TSHZ3: variants seen among roughly 807,000 people sequenced by gnomAD.
TSHZ3 encodes teashirt homolog 3.
A neutral mutation model predicts 64.5 loss-of-function variants in TSHZ3; 10 were observed. That is an observed-to-expected ratio of 0.16 (90% confidence interval 0.10 to 0.26). TSHZ3 has a LOEUF of 0.26. Among genes scored for constraint, TSHZ3 ranks in the 10% least tolerant of loss-of-function variants. The pLI is 1.00. For synonymous variants in TSHZ3, 608 were observed against 593.1 expected (o/e 1.03, Z -0.36); for missense variants, 1,242 against 1,421.7 (o/e 0.87, Z 2.03).
At chr19:31,329,576 C>T (rs983661317) in intron 1 of TSHZ3, among the ~76,000 whole-genome samples, 1 of 152,144 alleles carries the variant, frequency 6.6e-6, no homozygotes, top group African/African-American at 2.4e-5. Flanking sequence ...AGACTCACAG[C>T]AATAAAATAG....
intron 4 of TSHZ3, among the ~76,000 whole-genome samples, chr19:31,223,940 A>C (rs1975425423): frequency 6.6e-6 from 1 of 152,184 alleles, no homozygotes. Context: ...GTTTACTCAG[A>C]GGAGGCTACT....
intron 6 of TSHZ3, among the ~76,000 whole-genome samples, chr19:31,152,300 G>A (rs559665052): frequency 6.6e-6 from 1 of 152,072 alleles, no homozygotes; most frequent in African/African-American, 2.4e-5. Flanking sequence ...GTGTGTGTGT[G>A]TGTGTGTGCA....
In TSHZ3 at chr19:31,276,719, G is replaced by A; in HGVS notation, c.3074C>T (p.Ser1025Leu). The A allele has an allele frequency of 6.2e-7, 1 of 1,613,426 alleles. No homozygotes were observed. Among genetic ancestry groups the A allele is most frequent in the South Asian group, 1.1e-5 (1 of 91,038 alleles). The change falls in exon 2 of 2, where the codon TCA becomes TTA. Residue 1025 changes from serine (S) to leucine (L), a missense_variant. This residue lies in a region of TSHZ3 where 126 missense variants were observed against 140.6 expected (regional missense o/e 0.90). Coordinates refer to ENST00000240587, the MANE Select transcript of TSHZ3 (RefSeq NM_020856.4). ...NSQIAQTKSP[S>L]EKMVTSSPEE... is the part of the protein sequence containing the mutation. ...GGGGGAGGACGTCACCATTTTTTCT[G>A]ACGGTGACTTGGTTTGTGCTATCTG...
chr19:31,203,032 A>G (rs957629428), intron 5 of TSHZ3, among the ~76,000 whole-genome samples: 2 of 152,186 alleles, frequency 1.3e-5, no homozygotes, highest in Non-Finnish European at 2.9e-5. Flanking sequence ...TTTCTAAAGC[A>G]TTAGAAGATG....
intron 1 of TSHZ3, among the ~76,000 whole-genome samples, chr19:31,291,793 C>T (rs1976570419): frequency 6.6e-6 from 1 of 152,192 alleles, no homozygotes; most frequent in African/African-American, 2.4e-5. Context: ...ACTCTGTGTG[C>T]CCTGGAGGAG....
chr19:31,201,906 C>G (rs972760255), intron 5 of TSHZ3, among the ~76,000 whole-genome samples: 1 of 152,212 alleles, frequency 6.6e-6, no homozygotes, highest in African/African-American at 2.4e-5. Flanking sequence ...GTGGCTCATG[C>G]CTGTAATCCC....
chr19:31,216,791 C>T lies in TSHZ3; in HGVS notation n.686+11214G>A, dbSNP rs531908842. The stretch of plus-strand genomic sequence containing the variant: ...CTGGGACCACAGGTGCCCGCCACCA[C>T]GCCTGGCCAATTTTTTTTATTTTTT... On this transcript the variant is annotated intron_variant and non_coding_transcript_variant, in intron 4 of 6. Coordinates refer to the TSHZ3 transcript ENST00000651361. Among the ~76,000 whole-genome samples the T allele has an allele frequency of 3.6e-3, 554 of 152,094 alleles. 1 individual carries two copies. Among genetic ancestry groups the T allele is most frequent in the Non-Finnish European group, 6.3e-3 (427 of 67,998 alleles).
intron 1 of TSHZ3, among the ~76,000 whole-genome samples, chr19:31,347,574 C>G (rs542492403): frequency 2.6e-5 from 4 of 152,204 alleles, no homozygotes; most frequent in African/African-American, 9.6e-5. Context: ...ATTGCTTGAG[C>G]CTGGAATTTA....
intron 5 of TSHZ3, among the ~76,000 whole-genome samples, chr19:31,162,819 G>T (rs1372861075): frequency 1.3e-5 from 2 of 152,216 alleles, no homozygotes; most frequent in African/African-American, 4.8e-5. Flanking sequence ...ACAGCCAGGG[G>T]TGTCAACATA....
At chr19:31,246,196 T>G (rs1975755915) in intron 1 of TSHZ3, among the ~76,000 whole-genome samples, 1 of 152,138 alleles carries the variant, frequency 6.6e-6, no homozygotes, top group South Asian at 2.1e-4. Context: ...TAAAAATAAG[T>G]CAAAACACTA....
At chr19:31,199,464 A>G (rs1975043818) in intron 5 of TSHZ3, among the ~76,000 whole-genome samples, 1 of 151,240 alleles carries the variant, frequency 6.6e-6, no homozygotes, top group African/African-American at 2.4e-5. Flanking sequence ...ATAAAGTACC[A>G]AAGACCATAA....
chr19:31,235,535 T>C (rs1366606800), intron 3 of TSHZ3, among the ~76,000 whole-genome samples: 3 of 151,906 alleles, frequency 2.0e-5, no homozygotes, highest in East Asian at 1.9e-4. Context: ...CTTCCTCCAA[T>C]GTGTGTATGT....
At chr19:31,215,462 G>C (rs1975313850) in intron 4 of TSHZ3, among the ~76,000 whole-genome samples, 1 of 152,130 alleles carries the variant, frequency 6.6e-6, no homozygotes, top group African/African-American at 2.4e-5. Flanking sequence ...AGAAATATCA[G>C]AAATAGGGTA....
Position 31,210,698 on chromosome 19 carries a change from C to T in TSHZ3, n.687-5620G>A, listed in dbSNP as rs182863766. Reference sequence around the variant, plus strand: ...ACGATTTTCAACTCAGGAACCCACGCGTACCACCATTTTCTTCTACGAGAA... The same window carrying T: ...ACGATTTTCAACTCAGGAACCCACGTGTACCACCATTTTCTTCTACGAGAA... On this transcript the variant is annotated intron_variant and non_coding_transcript_variant, in intron 4 of 6. Coordinates refer to the TSHZ3 transcript ENST00000651361. Among the ~76,000 whole-genome samples, 161 of 152,216 alleles carry T rather than the reference C, an allele frequency of 1.1e-3. 1 individual carries two copies. The highest frequency in any genetic ancestry group is 1.6e-3 in the Non-Finnish European group (109 of 68,020).
At chr19:31,327,662 C>T (rs749733454) in intron 1 of TSHZ3, among the ~76,000 whole-genome samples, 11 of 152,164 alleles carry the variant, frequency 7.2e-5, no homozygotes, top group Non-Finnish European at 7.4e-5. Context: ...CACGTATACA[C>T]GCATATAAAT....
chr19:31,240,299 GCAGA>G (rs1269804914), intron 3 of TSHZ3, among the ~76,000 whole-genome samples: 3 of 151,964 alleles, frequency 2.0e-5, no homozygotes, highest in African/African-American at 4.8e-5. Context: ...AGAAAGTAAA[GCAGA>G]CAAATTGTTA....
chr19:31,290,107 C>T (rs1173515298), intron 1 of TSHZ3, among the ~76,000 whole-genome samples: 2 of 152,160 alleles, frequency 1.3e-5, no homozygotes, highest in Non-Finnish European at 2.9e-5. Flanking sequence ...TCTGACGCCA[C>T]CCGATTTAGG....
chr19:31,166,150 C>T (rs975080757), intron 5 of TSHZ3, among the ~76,000 whole-genome samples: 5 of 152,100 alleles, frequency 3.3e-5, no homozygotes, highest in Admixed American at 6.6e-5. Context: ...AGACAGTGCT[C>T]GGGGCTGGGA....
At chr19:31,301,773 C>T (rs545983846) in intron 1 of TSHZ3, among the ~76,000 whole-genome samples, 44 of 152,270 alleles carry the variant, frequency 2.9e-4, no homozygotes, top group African/African-American at 1.1e-3. Flanking sequence ...TGATGGCAGC[C>T]AGCATGCTTC....
Sources: gnomAD v4.1 joint callset for allele counts (sites outside exome capture counted in the v4.1 genomes callset) on GRCh38, gnomAD v4.1.1 for gene constraint, gnomAD v4.1.1 regional missense constraint, MANE v1.5 for transcripts, NCBI Gene and HGNC (gene_info 2026-07-23, HGNC 2026-07-21) for gene names.